The following PATJ variants were observed in gnomAD, a reference collection of about 807,000 sequenced individuals.
PATJ encodes the protein inaD-like protein.
PATJ carries 190 observed loss-of-function variants against 224.9 expected under a neutral mutation model. The ratio of observed to expected loss-of-function variants is 0.84; its 90% CI spans 0.75 to 0.95. PATJ has a LOEUF of 0.95. Among genes scored for constraint, PATJ ranks in the 40% least tolerant of loss-of-function variants. The pLI, the probability that PATJ is intolerant of heterozygous loss-of-function variation, is 0.00. For synonymous variants in PATJ, 769 were observed against 820.3 expected, an observed-to-expected ratio of 0.94 and a Z score of 1.07; for missense variants, 2,121 against 2,270.3, an observed-to-expected ratio of 0.93 and a Z score of 1.34.
At chr1:62,062,277 G>C (rs1655603307) in intron 31 of PATJ, among the ~76,000 whole-genome samples, 1 of 150,860 alleles carries the variant, frequency 6.6e-6, no homozygotes, top group Admixed American at 6.6e-5. Flanking sequence ...TTTTTTAATA[G>C]CAGCCATTTA....
chr1:61,843,983 C>A (rs978633411), intron 17 of PATJ, among the ~76,000 whole-genome samples: 2 of 152,140 alleles, frequency 1.3e-5, no homozygotes, highest in African/African-American at 4.8e-5. Context: ...TTGTTCTAGG[C>A]ATTGGGGAGC....
At chr1:62,072,464 C>G (rs1364156519) in intron 31 of PATJ, 2 of 152,152 alleles carry the variant, frequency 1.3e-5, no homozygotes, top group Non-Finnish European at 1.5e-5. Flanking sequence ...TGTGTTGTTG[C>G]TCGTGTAGTC....
At chr1:62,144,795 T>TATATATATATATATATAA (rs1558231544) in intron 41 of PATJ, among the ~76,000 whole-genome samples, 15 of 146,244 alleles carry the variant, frequency 1.0e-4, no homozygotes, top group Non-Finnish European at 6.0e-5. Flanking sequence ...TATATATATA[T>TATATATATATATATATAA]AATTAGCAGA....
At chr1:61,771,379 A>G in intron 5 of PATJ, 52 bp from the exon 6 acceptor site, 1 of 1,182,546 alleles carries the variant, frequency 8.5e-7, no homozygotes, top group Non-Finnish European at 1.2e-6. Flanking sequence ...ATAGATTTTT[A>G]AAAATCAGGT....
At chr1:61,999,036 G>A (rs758314054) in intron 28 of PATJ, among the ~76,000 whole-genome samples, 18 of 151,924 alleles carry the variant, frequency 1.2e-4, no homozygotes, top group Non-Finnish European at 2.2e-4. Flanking sequence ...TATGGAAAGT[G>A]CCATGAAAAT....
intron 27 of PATJ, among the ~76,000 whole-genome samples, chr1:61,973,414 C>T (rs984477586): frequency 1.3e-5 from 2 of 152,074 alleles, no homozygotes; most frequent in African/African-American, 4.8e-5. Context: ...AGAGAAGTTC[C>T]ACGCTATCAG....
chr1:61,814,300 C>T (rs1014586526), intron 14 of PATJ, among the ~76,000 whole-genome samples: 5 of 151,824 alleles, frequency 3.3e-5, no homozygotes, highest in East Asian at 1.9e-4. Context: ...CCTGCTATCA[C>T]GCCCAGCTAA....
chr1:62,154,805 C>G (rs1162901708), intron 43 of PATJ, among the ~76,000 whole-genome samples: 1 of 152,166 alleles, frequency 6.6e-6, no homozygotes, highest in Non-Finnish European at 1.5e-5. Flanking sequence ...GTTAATTGGG[C>G]CCAGTGACCT....
intron 7 of PATJ, among the ~76,000 whole-genome samples, chr1:61,775,604 AT>A (rs1270913552): frequency 6.6e-6 from 1 of 152,208 alleles, no homozygotes; most frequent in Non-Finnish European, 1.5e-5. Context: ...ATTGAAAAGC[AT>A]TGTTAATGAA....
chr1:61,973,811 GT>G (rs1251645284), intron 27 of PATJ, among the ~76,000 whole-genome samples: 1 of 151,898 alleles, frequency 6.6e-6, no homozygotes, highest in Non-Finnish European at 1.5e-5. Context: ...TCGCAATGCT[GT>G]TTTCAAAATT....
chr1:61,953,628 A>G (rs1039035073), intron 27 of PATJ, among the ~76,000 whole-genome samples: 2 of 152,280 alleles, frequency 1.3e-5, no homozygotes, highest in South Asian at 2.1e-4. Flanking sequence ...AATTGCTTTC[A>G]GTTGTCTGTC....
chr1:62,113,158 A>G (rs1482906899), intron 34 of PATJ, among the ~76,000 whole-genome samples: 2 of 152,242 alleles, frequency 1.3e-5, no homozygotes, highest in Non-Finnish European at 2.9e-5. Context: ...CTCAGAGATT[A>G]CATGACTTGG....
chr1:61,801,529 C>A, intron 11 of PATJ, 94 bp from the exon 12 acceptor site: 2 of 602,148 alleles, frequency 3.3e-6, no homozygotes, highest in Non-Finnish European at 5.3e-6. Flanking sequence ...GGGAGAACAG[C>A]AGTAAAATCT....
chr1:62,087,649 C>G (rs1295083168), intron 33 of PATJ, among the ~76,000 whole-genome samples: 1 of 151,598 alleles, frequency 6.6e-6, no homozygotes, highest in Non-Finnish European at 1.5e-5. Flanking sequence ...ACCATTGGGC[C>G]CCGTCTAGAA....
intron 28 of PATJ, among the ~76,000 whole-genome samples, chr1:62,008,541 G>C (rs1488377223): frequency 6.6e-6 from 1 of 152,148 alleles, no homozygotes; most frequent in African/African-American, 2.4e-5. Flanking sequence ...TGGATCGCTT[G>C]AGTCCAGGAG....
intron 16 of PATJ, among the ~76,000 whole-genome samples, chr1:61,831,082 G>C (rs753714627): frequency 7.9e-5 from 12 of 151,920 alleles, no homozygotes; most frequent in Non-Finnish European, 1.5e-4. Flanking sequence ...AGCTACTTGG[G>C]GGGGCTGAGG....
chr1:62,149,126 C>T (rs1221804113), intron 42 of PATJ, among the ~76,000 whole-genome samples: 3 of 130,486 alleles, frequency 2.3e-5, no homozygotes, highest in Non-Finnish European at 4.7e-5. Context: ...GAAACTCCAT[C>T]TCAAAAAAAA....
At chr1:61,839,376 T>C (rs1046886366) in intron 17 of PATJ, among the ~76,000 whole-genome samples, 1 of 152,180 alleles carries the variant, frequency 6.6e-6, no homozygotes, top group African/African-American at 2.4e-5. Context: ...TGTGCTCATA[T>C]GCATTGTGTA....
chr1:62,136,274 C>T (rs965599569), intron 41 of PATJ, among the ~76,000 whole-genome samples: 8 of 151,764 alleles, frequency 5.3e-5, no homozygotes, highest in Non-Finnish European at 1.0e-4. Flanking sequence ...TCAAGTGATC[C>T]GCCCATCTCG....
Sources: gnomAD v4.1 joint callset for allele counts (sites outside exome capture counted in the v4.1 genomes callset) on GRCh38, gnomAD v4.1.1 for gene constraint, MANE v1.5 for transcripts, NCBI Gene and HGNC (gene_info 2026-07-23, HGNC 2026-07-21) for gene names.